MARK1: variants seen among roughly 807,000 people sequenced by gnomAD.
The protein encoded by MARK1 is microtubule affinity regulating kinase 1, also known as serine/threonine-protein kinase MARK1.
Under a neutral mutation model 96.3 loss-of-function variants are expected in MARK1, and 40 were observed. That is an observed-to-expected ratio of 0.42 (90% CI 0.32 to 0.54). The LOEUF is 0.54. Ranked by LOEUF, MARK1 falls within the 20% of genes least tolerant of loss-of-function variation. The probability of loss-of-function intolerance (pLI) is 0.16; values close to 1 mark genes in which losing one functional copy is unlikely to be tolerated. For missense variants in MARK1, 719 were observed against 984.6 expected (o/e 0.73, Z 3.61); for synonymous variants, 317 against 341.2 (o/e 0.93, Z 0.78).
At chr1:220,649,498 G>A (rs1668757897) in intron 13 of MARK1, among the ~76,000 whole-genome samples, 1 of 152,136 alleles carries the variant, frequency 6.6e-6, no homozygotes. Context: ...CAAAGTGTTA[G>A]GATTAGAGGC....
Position 220,622,123 on chromosome 1 carries a change from C to T in MARK1, c.909+3368C>T, listed in dbSNP as rs142784448. On this transcript the variant is annotated intron_variant, in intron 9 of 17. Transcript: ENST00000366917. ...ATAATGAGGGCATTATGATTTTAAA[C>T]GGATTTGTGCTTTATGTTGTACACT... Among the ~76,000 whole-genome samples the T allele has an allele frequency of 7.9e-3, 1,197 of 152,152 alleles. 10 individuals carry two copies. The highest frequency in any genetic ancestry group is 0.012 in the Non-Finnish European group (808 of 67,984).
intron 1 of MARK1, among the ~76,000 whole-genome samples, chr1:220,539,723 T>C (rs1203985878): frequency 6.6e-6 from 1 of 152,132 alleles, no homozygotes; most frequent in Non-Finnish European, 1.5e-5. Flanking sequence ...TAATTGCCTC[T>C]TGGGCGTGGT....
chr1:220,578,090 C>CT (rs1663995105), intron 1 of MARK1, among the ~76,000 whole-genome samples: 1 of 152,136 alleles, frequency 6.6e-6, no homozygotes, highest in African/African-American at 2.4e-5. Flanking sequence ...GAAGCTGTTG[C>CT]TTTTACAGGT....
At chr1:220,540,573 TTA>T (rs1242115010) in intron 1 of MARK1, among the ~76,000 whole-genome samples, 1 of 152,240 alleles carries the variant, frequency 6.6e-6, no homozygotes, top group Non-Finnish European at 1.5e-5. Context: ...TCACGGTAAG[TTA>T]TATGTTTCTA....
intron 9 of MARK1, among the ~76,000 whole-genome samples, chr1:220,619,074 C>T (rs1199909932): frequency 6.6e-6 from 1 of 152,142 alleles, no homozygotes; most frequent in African/African-American, 2.4e-5. Context: ...AAACAGAAAC[C>T]TTGTTTTTAG....
chr1:220,536,181 G>A (rs746179826), intron 1 of MARK1, among the ~76,000 whole-genome samples: 14 of 151,672 alleles, frequency 9.2e-5, no homozygotes, highest in Non-Finnish European at 1.5e-4. Context: ...TAGGGTTTTC[G>A]GCATATAAGA....
chr1:220,532,230 T>G (rs1660365373), intron 1 of MARK1, among the ~76,000 whole-genome samples: 1 of 152,230 alleles, frequency 6.6e-6, no homozygotes, highest in African/African-American at 2.4e-5. Context: ...GCGGTGATTA[T>G]AATGATTACC....
At chr1:220,656,326 T>G (rs1319744091) in intron 16 of MARK1, among the ~76,000 whole-genome samples, 1 of 152,240 alleles carries the variant, frequency 6.6e-6, no homozygotes, top group East Asian at 1.9e-4. Flanking sequence ...GGTCAATTGC[T>G]ATTTCAGTCA....
intron 7 of MARK1, 22 bp downstream of exon 7, chr1:220,616,017 T>C (rs755783094): frequency 7.5e-7 from 1 of 1,330,350 alleles, no homozygotes; most frequent in Non-Finnish European, 1.1e-6. Context: ...AGTGTAATTT[T>C]TTTAAAAAAA....
At chr1:220,657,288 A>T (rs547604172) in intron 16 of MARK1, among the ~76,000 whole-genome samples, 2 of 152,292 alleles carry the variant, frequency 1.3e-5, no homozygotes, top group East Asian at 3.9e-4. Flanking sequence ...TTGCTGTGAT[A>T]TTTTATCATG....
intron 1 of MARK1, among the ~76,000 whole-genome samples, chr1:220,530,341 G>C (rs990205679): frequency 6.6e-6 from 1 of 152,116 alleles, no homozygotes; most frequent in Non-Finnish European, 1.5e-5. Flanking sequence ...GATTGAACAA[G>C]TTCAGAGAAA....
At chr1:220,547,732 A>AT (rs1030166967) in intron 1 of MARK1, among the ~76,000 whole-genome samples, 17 of 151,932 alleles carry the variant, frequency 1.1e-4, no homozygotes, top group African/African-American at 3.4e-4. Flanking sequence ...ACCCGGCTAC[A>AT]TTTTTTTGTA....
chr1:220,641,860 G>A (rs765563731), intron 13 of MARK1, among the ~76,000 whole-genome samples: 60 of 152,332 alleles, frequency 3.9e-4, no homozygotes, highest in Non-Finnish European at 8.1e-4. Flanking sequence ...AGGCAGTGAG[G>A]GAGTGTGCTG....
At chr1:220,532,402 G>A (rs1001229639) in intron 1 of MARK1, among the ~76,000 whole-genome samples, 2 of 152,140 alleles carry the variant, frequency 1.3e-5, no homozygotes, top group African/African-American at 4.8e-5. Flanking sequence ...GCCTGACTTT[G>A]TCTCCCTTAG....
At chr1:220,567,121 T>C (rs1185442428) in intron 1 of MARK1, among the ~76,000 whole-genome samples, 2 of 152,154 alleles carry the variant, frequency 1.3e-5, no homozygotes, top group Non-Finnish European at 1.5e-5. Flanking sequence ...CATATGACAC[T>C]GTAAGTGTAA....
At chr1:220,660,028 C>A (rs1045265493) in intron 17 of MARK1, among the ~76,000 whole-genome samples, 2 of 152,308 alleles carry the variant, frequency 1.3e-5, no homozygotes, top group South Asian at 4.1e-4. Flanking sequence ...GCTCATGGTC[C>A]TGCCACCTTG....
chr1:220,619,919 A>G (rs1042612711), intron 9 of MARK1, among the ~76,000 whole-genome samples: 3 of 152,190 alleles, frequency 2.0e-5, no homozygotes, highest in East Asian at 1.9e-4. Context: ...TAGTGTAGCA[A>G]TGGGGCTTTC....
chr1:220,605,724 C>G (rs985106793), intron 6 of MARK1, among the ~76,000 whole-genome samples: 12 of 145,800 alleles, frequency 8.2e-5, no homozygotes, highest in African/African-American at 2.5e-4. Flanking sequence ...TCCAAGTGAT[C>G]TCATTGTTCA....
At chr1:220,558,288 A>T (rs1033478255) in intron 1 of MARK1, among the ~76,000 whole-genome samples, 6 of 151,570 alleles carry the variant, frequency 4.0e-5, no homozygotes, top group Non-Finnish European at 8.8e-5. Context: ...TTAAAAATTT[A>T]AAAGAATAAA....
Sources: gnomAD v4.1 joint callset for allele counts (sites outside exome capture counted in the v4.1 genomes callset) on GRCh38, gnomAD v4.1.1 for gene constraint, MANE v1.5 for transcripts, NCBI Gene and HGNC (gene_info 2026-07-23, HGNC 2026-07-21) for gene names.